MAST2: variants seen among roughly 807,000 people sequenced by gnomAD.
The protein encoded by MAST2 is microtubule-associated serine/threonine-protein kinase 2.
Under a neutral mutation model 147.4 loss-of-function variants are expected in MAST2, and 70 were observed. The observed-to-expected ratio is 0.47, with a 90% CI of 0.39 to 0.58. The LOEUF (loss-of-function observed/expected upper bound fraction) is 0.58, where lower values mean the gene tolerates loss of function less well. Ranked by LOEUF, MAST2 falls within the 20% of genes least tolerant of loss-of-function variation. The pLI is 0.00. For missense variants in MAST2, 2,080 were observed against 2,302.3 expected, an observed-to-expected ratio of 0.90 and a Z score of 1.98; for synonymous variants, 869 against 896.8, an observed-to-expected ratio of 0.97 and a Z score of 0.55.
chr1:45,813,378 G>A (rs920823262), intron 1 of MAST2, among the ~76,000 whole-genome samples: 1 of 151,720 alleles, frequency 6.6e-6, no homozygotes, highest in South Asian at 2.1e-4. Context: ...TGCTCAGGCT[G>A]GAGTGCAGTG....
intron 5 of MAST2, among the ~76,000 whole-genome samples, chr1:45,986,849 TA>T (rs1478684417): frequency 1.3e-5 from 2 of 152,188 alleles, no homozygotes; most frequent in African/African-American, 2.4e-5. Flanking sequence ...TATCTTATAA[TA>T]TCTTTGTCTG....
rs569958857 is a variant in MAST2, at chr1:46,035,447, C to A, written c.4778C>A (p.Ala1593Asp). The part of the protein sequence containing the change: ...LGSPQAIEEA[A>D]SSSSAGPNLG... Reference sequence around the variant, plus strand: ...AGCCCACAAGCCATTGAGGAGGCTGCCAGCTCCTCCTCAGCAGGCCCCAAC... The same window carrying A: ...AGCCCACAAGCCATTGAGGAGGCTGACAGCTCCTCCTCAGCAGGCCCCAAC... Residue 1593 changes from alanine to aspartate, a missense_variant, in exon 29 of 29, where the codon GCC becomes GAC. By Grantham distance (126) the Ala-to-Asp change is moderately radical. Coordinates refer to ENST00000361297, the MANE Select transcript of MAST2 (RefSeq NM_015112.3). This position sits in a 1 kb window ranked among gnomAD's most constrained non-coding sequence, Gnocchi z 5.5. 1.9e-6 allele frequency: 3 copies of A among 1,613,206 alleles called. No homozygotes were observed. Among genetic ancestry groups the A allele is most frequent in the South Asian group, 2.2e-5 (2 of 91,050 alleles).
intron 16 of MAST2, among the ~76,000 whole-genome samples, chr1:46,027,030 TCAC>T (rs1646442941): frequency 6.6e-6 from 1 of 152,218 alleles, no homozygotes; most frequent in Non-Finnish European, 1.5e-5. Flanking sequence ...TTATTGTTTT[TCAC>T]TGAGGAGGGG....
chr1:46,034,385 TCCTG>T, intron 28 of MAST2, 119 bp downstream of exon 28: 2 of 1,356,050 alleles, frequency 1.5e-6, no homozygotes, highest in Non-Finnish European at 1.0e-6. Context: ...CCCTGAAAGA[TCCTG>T]TAGTCTTGGG....
chr1:45,869,327 G>A (rs1646287133), intron 3 of MAST2, among the ~76,000 whole-genome samples: 1 of 152,156 alleles, frequency 6.6e-6, no homozygotes, highest in Admixed American at 6.5e-5. Context: ...ATACATTCCT[G>A]TAGATGCCAT....
intron 3 of MAST2, among the ~76,000 whole-genome samples, chr1:45,861,670 A>G (rs1468124254): frequency 1.3e-5 from 2 of 151,510 alleles, no homozygotes; most frequent in African/African-American, 4.9e-5. Context: ...TATTCCTTCT[A>G]TCACTGTTTA....
At chr1:45,848,279 AAC>A (rs1645507758) in intron 3 of MAST2, among the ~76,000 whole-genome samples, 1 of 152,334 alleles carries the variant, frequency 6.6e-6, no homozygotes, top group South Asian at 2.1e-4. Flanking sequence ...TTGAATGGTA[AAC>A]AGTTTCCTAC....
chr1:45,873,151 T>A (rs907496925), intron 3 of MAST2, among the ~76,000 whole-genome samples: 8 of 151,750 alleles, frequency 5.3e-5, no homozygotes, highest in African/African-American at 1.9e-4. Flanking sequence ...GCTTCGCTAC[T>A]GGTGGGTTAG....
intron 5 of MAST2, among the ~76,000 whole-genome samples, chr1:45,964,916 G>A (rs1178455204): frequency 6.6e-6 from 1 of 151,946 alleles, no homozygotes; most frequent in Non-Finnish European, 1.5e-5. Flanking sequence ...CTGGTATGTT[G>A]TGTCTTTGTT....
chr1:45,878,806 C>T (rs1236051386), intron 3 of MAST2, among the ~76,000 whole-genome samples: 1 of 151,848 alleles, frequency 6.6e-6, no homozygotes, highest in Admixed American at 6.6e-5. Context: ...TTGTTAAAAA[C>T]GATAAAACAT....
intron 3 of MAST2, among the ~76,000 whole-genome samples, chr1:45,876,979 C>T (rs1646632320): frequency 6.6e-6 from 1 of 152,078 alleles, no homozygotes; most frequent in Non-Finnish European, 1.5e-5. Context: ...CAAATATTTC[C>T]AGTTTTATAT....
Position 46,031,659 on chromosome 1 carries a change from C to A in MAST2, c.3187+74C>A. The A allele has an allele frequency of 7.0e-7, 1 of 1,430,498 alleles. No homozygotes were observed. The highest frequency in any genetic ancestry group is 9.5e-7 in the Non-Finnish European group (1 of 1,047,528). The allele number at this position is 1,430,498 out of a possible 1,614,324, so 88.6% of individuals were successfully genotyped here. A position where few individuals can be genotyped will look rare whatever the true frequency, so the allele number is the denominator to read the frequency against. Reference sequence around the variant, plus strand: ...ATCTCTAGGCCTTGGGAGGGTTCTGCACGTGGCAGGTGTGTGTGTGTGTGT... The same window carrying A: ...ATCTCTAGGCCTTGGGAGGGTTCTGAACGTGGCAGGTGTGTGTGTGTGTGT... On this transcript the variant is annotated intron_variant, in intron 24 of 28. Transcript: ENST00000361297. The surrounding 1 kb of genome is among the most constrained non-coding windows in gnomAD (Gnocchi z 4.1).
chr1:46,035,542 C>T lies in MAST2; in HGVS notation c.4873C>T (p.Gln1625Ter). The T allele has an allele frequency of 1.2e-6, 2 of 1,613,538 alleles. No individual in the cohort carries two copies. Among genetic ancestry groups the T allele is most frequent in the Non-Finnish European group, 1.7e-6 (2 of 1,180,020 alleles). ...GCWKAQHLHT[Q>*]ALTALSPSTS... ...CTGGAAGGCCCAGCACCTCCACACC[C>T]AGGCACTAACAGCACTTTCTCCCAG... Residue 1625 changes from glutamine to a stop codon, truncating the protein, a stop_gained, in exon 29 of 29, where the codon CAG (glutamine) becomes TAG (stop). Transcript: ENST00000361297. LOFTEE classifies it low-confidence loss of function (END_TRUNC). The surrounding 1 kb of genome is among the most constrained non-coding windows in gnomAD (Gnocchi z 5.5).
chr1:45,816,751 C>G (rs945374842), intron 1 of MAST2, among the ~76,000 whole-genome samples: 4 of 152,106 alleles, frequency 2.6e-5, no homozygotes, highest in Non-Finnish European at 5.9e-5. Flanking sequence ...CGTAATGGCT[C>G]CCTGCAACCT....
chr1:45,857,707 T>C (rs900278368), intron 3 of MAST2, among the ~76,000 whole-genome samples: 2 of 152,196 alleles, frequency 1.3e-5, no homozygotes, highest in East Asian at 1.9e-4. Context: ...CCCATTAACT[T>C]GTCATTTACA....
intron 3 of MAST2, among the ~76,000 whole-genome samples, chr1:45,879,559 C>T (rs6680333): frequency 8.8e-6 from 1 of 114,042 alleles, no homozygotes; most frequent in African/African-American, 3.7e-5. Flanking sequence ...GGTGACAGAG[C>T]GAGACTCCAT....
intron 5 of MAST2, among the ~76,000 whole-genome samples, chr1:45,991,612 G>C (rs1644857963): frequency 6.6e-6 from 1 of 152,034 alleles, no homozygotes; most frequent in Admixed American, 6.6e-5. Context: ...TTTATATGTA[G>C]GCATTTCAGT....
chr1:45,820,443 A>G (rs1357113446), intron 1 of MAST2, among the ~76,000 whole-genome samples: 1 of 152,196 alleles, frequency 6.6e-6, no homozygotes, highest in Non-Finnish European at 1.5e-5. Context: ...CTAAATTTAT[A>G]ACAGTCTAGT....
chr1:46,000,289 G>A (rs2149176032), intron 6 of MAST2, among the ~76,000 whole-genome samples: 1 of 152,310 alleles, frequency 6.6e-6, no homozygotes, highest in East Asian at 1.9e-4. Context: ...ACTCCAGCCT[G>A]GGCGACAGAG....
Sources: gnomAD v4.1 joint callset for allele counts (sites outside exome capture counted in the v4.1 genomes callset) on GRCh38, gnomAD v4.1.1 for gene constraint, Gnocchi (gnomAD v3.1) non-coding constraint, MANE v1.5 for transcripts, NCBI Gene and HGNC (gene_info 2026-07-23, HGNC 2026-07-21) for gene names.